The following VPS50 variants were observed in gnomAD, a reference collection of about 807,000 sequenced individuals.
The protein encoded by VPS50 is VPS50 subunit of EARP/GARPII complex.
A neutral mutation model predicts 139.7 loss-of-function variants in VPS50; 70 were observed. The ratio of observed to expected loss-of-function variants is 0.50; its 90% confidence interval spans 0.41 to 0.61. The LOEUF (loss-of-function observed/expected upper bound fraction) is 0.61, where lower values mean the gene tolerates loss of function less well. Among genes scored for constraint, VPS50 ranks in the 20% least tolerant of loss-of-function variants. The probability of loss-of-function intolerance (pLI) is 0.00; values close to 1 mark genes in which losing one functional copy is unlikely to be tolerated. For missense variants in VPS50, 921 were observed against 1,133.7 expected (o/e 0.81, Z 2.69); for synonymous variants, 365 against 376.7 (o/e 0.97, Z 0.36).
At chr7:93,293,322 A>G (rs917362679) in intron 13 of VPS50, among the ~76,000 whole-genome samples, 16 of 152,338 alleles carry the variant, frequency 1.1e-4, no homozygotes, top group Admixed American at 3.3e-4. Context: ...CATATTTTAG[A>G]TATCAGAATT....
chr7:93,257,536 T>C, intron 6 of VPS50, 72 bp downstream of exon 6: 1 of 839,634 alleles, frequency 1.2e-6, no homozygotes. Flanking sequence ...ATCTATAATT[T>C]ATAATTGATT....
chr7:93,347,388 C>T (rs1220814203), intron 23 of VPS50, among the ~76,000 whole-genome samples: 1 of 121,658 alleles, frequency 8.2e-6, no homozygotes, highest in Non-Finnish European at 1.6e-5. Context: ...GGACTGTAAA[C>T]TAGTTCAACC....
intron 19 of VPS50, among the ~76,000 whole-genome samples, 189 bp downstream of exon 19, chr7:93,309,131 C>T (rs1396821409): frequency 1.3e-5 from 2 of 151,950 alleles, no homozygotes; most frequent in African/African-American, 4.8e-5. Flanking sequence ...CTTAACATTT[C>T]ATAACTGAAT....
Position 93,294,621 on chromosome 7 carries a change from T to TA in VPS50, c.1153dup (p.Thr385AsnfsTer19), listed in dbSNP as rs772330230. 1 of 1,595,630 alleles carries TA rather than the reference T, an allele frequency of 6.3e-7. No individual in the cohort carries two copies. Among genetic ancestry groups the TA allele is most frequent in the Non-Finnish European group, 8.5e-7 (1 of 1,172,728 alleles). On this transcript the variant is annotated frameshift_variant, in exon 14 of 28. Transcript: ENST00000305866. LOFTEE classifies it high-confidence loss of function. ...TAAAAAAGAAATTAGAACATGGACT[T>TA]ACACGAATATGGCAGGTTTGGTTTT...
chr7:93,328,941 G>A (rs1247649526), intron 21 of VPS50, among the ~76,000 whole-genome samples: 1 of 152,034 alleles, frequency 6.6e-6, no homozygotes, highest in Non-Finnish European at 1.5e-5. Context: ...AAATATAAAC[G>A]GAGACCAAAG....
chr7:93,352,482 G>A (rs1798588120), intron 25 of VPS50, among the ~76,000 whole-genome samples: 1 of 152,180 alleles, frequency 6.6e-6, no homozygotes, highest in Non-Finnish European at 1.5e-5. Context: ...AGCCTGAGTG[G>A]TGATCAGATT....
In VPS50 at chr7:93,355,901, G is replaced by A. The variant is rs749260860; in HGVS notation, c.2596G>A (p.Val866Ile). 1 of 1,566,240 alleles carries A rather than the reference G, an allele frequency of 6.4e-7. No individual in the cohort carries two copies. Among genetic ancestry groups the A allele is most frequent in the Admixed American group, 1.7e-5 (1 of 57,300 alleles). The change falls in exon 27 of 28, where the codon GTC (valine) becomes ATC (isoleucine). Residue 866 changes from valine to isoleucine, a missense_variant. Val to Ile is a conservative substitution (Grantham distance 29). Transcript: ENST00000305866. ...TGTTTTGCATCTTAGATATGCCAAT[G>A]TCAAGAAATGCAGTAATGAGGGTCG... ...NRTIVEGYAN[V>I]KKCSNEGRAL...
intron 12 of VPS50, among the ~76,000 whole-genome samples, chr7:93,279,468 A>AT (rs547804105): frequency 3.9e-5 from 6 of 152,350 alleles, no homozygotes; most frequent in Admixed American, 3.9e-4. Context: ...ATATCAAGGC[A>AT]TAACTCAGGC....
chr7:93,252,411 G>A (rs1211346332), intron 2 of VPS50, among the ~76,000 whole-genome samples: 1 of 152,064 alleles, frequency 6.6e-6, no homozygotes, highest in African/African-American at 2.4e-5. Context: ...CCTTGTTGAT[G>A]TGCAAGGAAT....
At chr7:93,315,378 T>G (rs1174855168) in intron 20 of VPS50, among the ~76,000 whole-genome samples, 1 of 152,220 alleles carries the variant, frequency 6.6e-6, no homozygotes, top group East Asian at 1.9e-4. Context: ...AATATCTTTG[T>G]GTATATACAG....
At chr7:93,355,771 T>G in intron 26 of VPS50, 120 bp from the exon 27 acceptor site, 1 of 542,580 alleles carries the variant, frequency 1.8e-6, no homozygotes, top group South Asian at 3.2e-5. Flanking sequence ...CTATTTCCTA[T>G]AACCCTCTCA....
chr7:93,244,703 C>T (rs982032158), intron 2 of VPS50, among the ~76,000 whole-genome samples: 1 of 151,708 alleles, frequency 6.6e-6, no homozygotes, highest in Non-Finnish European at 1.5e-5. Flanking sequence ...AGGTTTATGA[C>T]TAGGTGAATT....
At chr7:93,232,731 T>A (rs987675093) in intron 1 of VPS50, among the ~76,000 whole-genome samples, 1 of 152,088 alleles carries the variant, frequency 6.6e-6, no homozygotes, top group Non-Finnish European at 1.5e-5. Context: ...AAATAAGTCA[T>A]TGAAGGAATC....
intron 13 of VPS50, among the ~76,000 whole-genome samples, chr7:93,293,000 AC>A (rs1796694720): frequency 6.6e-6 from 1 of 152,058 alleles, no homozygotes; most frequent in Non-Finnish European, 1.5e-5. Flanking sequence ...ACTTCTATTT[AC>A]CAAAGGTGAG....
At chr7:93,297,372 T>G (rs942420501) in intron 16 of VPS50, 129 bp downstream of exon 16, 5 of 1,006,580 alleles carry the variant, frequency 5.0e-6, no homozygotes, top group Middle Eastern at 3.4e-4. Flanking sequence ...GTAGCTTTTT[T>G]AAGATGGTTA....
chr7:93,297,324 A>G, intron 16 of VPS50, 81 bp downstream of exon 16: 1 of 1,294,560 alleles, frequency 7.7e-7, no homozygotes, highest in Admixed American at 3.9e-5. Flanking sequence ...TATAGCATTA[A>G]TTGATTTTAA....
At chr7:93,242,614 C>A (rs1408425340) in intron 2 of VPS50, among the ~76,000 whole-genome samples, 1 of 151,814 alleles carries the variant, frequency 6.6e-6, no homozygotes, top group Non-Finnish European at 1.5e-5. Flanking sequence ...ACTGTTAATT[C>A]TTATATGGAA....
Position 93,232,416 on chromosome 7 carries a change from C to G in VPS50, c.-52C>G. 4.6e-6 allele frequency: 7 copies of G among 1,514,474 alleles called. No homozygotes were observed. Among genetic ancestry groups the G allele is most frequent in the Non-Finnish European group, 5.5e-6 (6 of 1,091,828 alleles). The allele number at this position is 1,514,474 out of a possible 1,614,324, so 93.8% of individuals were successfully genotyped here. ...TGTCAGGGCCAGCTGTGTAGTGGCT[C>G]GGTGTGATTTGTTAGCTCTTTGAGG... On this transcript the variant is annotated 5_prime_UTR_variant, in exon 1 of 28. Coordinates refer to ENST00000305866, the MANE Select transcript of VPS50 (RefSeq NM_017667.4).
chr7:93,350,046 G>A lies in VPS50; in HGVS notation c.2463+13G>A, dbSNP rs778125692. On this transcript the variant is annotated intron_variant, in intron 25 of 27. Transcript: ENST00000305866. ...TGCACTATTAAAGGCAAGTGTTCTG[G>A]GAAGCACCTGTGCTAAAGATCAATC... The A allele has an allele frequency of 7.5e-6, 12 of 1,599,346 alleles. No homozygotes were observed. The highest frequency in any genetic ancestry group is 1.0e-5 in the Non-Finnish European group (12 of 1,169,742).
Sources: allele counts gnomAD v4.1 joint callset (sites outside exome capture counted in the v4.1 genomes callset), GRCh38; gene constraint gnomAD v4.1.1; transcripts MANE v1.5; gene names NCBI Gene and HGNC (gene_info 2026-07-23, HGNC 2026-07-21).